The following PELI2 variants were observed in gnomAD, a reference collection of about 807,000 sequenced individuals.
PELI2 encodes the protein pellino E3 ubiquitin protein ligase family member 2.
In PELI2, 23 loss-of-function variants were observed where a neutral mutation model predicts 42.3. The ratio of observed to expected loss-of-function variants is 0.54; its 90% CI spans 0.39 to 0.77. PELI2 has a LOEUF of 0.77. Among genes scored for constraint, PELI2 ranks in the 30% least tolerant of loss-of-function variants. PELI2 has a pLI of 0.00. For synonymous variants in PELI2, 245 were observed against 212.2 expected (o/e 1.15, Z -1.34); for missense variants, 463 against 553.2 (o/e 0.84, Z 1.64).
chr14:56,190,873 A>G (rs1391883214), intron 2 of PELI2, among the ~76,000 whole-genome samples: 1 of 152,242 alleles, frequency 6.6e-6, no homozygotes, highest in Non-Finnish European at 1.5e-5. Flanking sequence ...CAGTGGTCAC[A>G]TTTATAACTT....
chr14:56,158,415 C>A (rs1177061812), intron 1 of PELI2, among the ~76,000 whole-genome samples: 1 of 152,116 alleles, frequency 6.6e-6, no homozygotes. Context: ...GATCTCGGCT[C>A]CCTGCAACCT....
intron 2 of PELI2, among the ~76,000 whole-genome samples, chr14:56,234,364 A>T (rs568598580): frequency 6.6e-6 from 1 of 152,226 alleles, no homozygotes; most frequent in African/African-American, 2.4e-5. Flanking sequence ...ATGTCCATCA[A>T]TGATAGACTG....
chr14:56,147,072 G>T (rs1884151521), intron 1 of PELI2, among the ~76,000 whole-genome samples: 1 of 152,022 alleles, frequency 6.6e-6, no homozygotes, highest in Non-Finnish European at 1.5e-5. Flanking sequence ...TTTGAGTCTG[G>T]TTTCTTCCAC....
At chr14:56,277,759 A>G (rs1454920311) in intron 2 of PELI2, among the ~76,000 whole-genome samples, 1 of 152,172 alleles carries the variant, frequency 6.6e-6, no homozygotes, top group Non-Finnish European at 1.5e-5. Context: ...CTTAAATGTT[A>G]AAATAGCAAA....
At chr14:56,243,022 C>T (rs2127439) in intron 2 of PELI2, among the ~76,000 whole-genome samples, 61,381 of 152,070 alleles carry the variant, frequency 0.4, 13,099 homozygotes, top group South Asian at 0.53. Context: ...GTATTTCTAA[C>T]TTCCTTTTTA....
chr14:56,196,625 A>G (rs181613579), intron 2 of PELI2, among the ~76,000 whole-genome samples: 21 of 152,364 alleles, frequency 1.4e-4, no homozygotes, highest in African/African-American at 5.0e-4. Flanking sequence ...AATGGCCGAT[A>G]GGATCATTTT....
In PELI2 at chr14:56,219,272, C is replaced by G. The variant is rs752095959; in HGVS notation, c.207+40808C>G. Among the ~76,000 whole-genome samples the G allele has an allele frequency of 7.2e-5, 11 of 151,960 alleles. No individual in the cohort carries two copies. The highest frequency in any genetic ancestry group is 1.2e-4 in the Non-Finnish European group (8 of 67,986). Reference sequence around the variant, plus strand: ...GAAGAAGACAGAAGGAAGAAGCTCCCCCGTACAGAGACAGATGGGGGCTCC... The same window carrying G: ...GAAGAAGACAGAAGGAAGAAGCTCCGCCGTACAGAGACAGATGGGGGCTCC... On this transcript the variant is annotated intron_variant, in intron 2 of 5. Transcript: ENST00000267460. The surrounding 1 kb of genome is among the most constrained non-coding windows in gnomAD (Gnocchi z 4.1).
At chr14:56,263,818 A>G (rs1888807095) in intron 2 of PELI2, among the ~76,000 whole-genome samples, 1 of 152,258 alleles carries the variant, frequency 6.6e-6, no homozygotes, top group African/African-American at 2.4e-5. Context: ...CTGTAAGAAT[A>G]GAAATATGCC....
intron 2 of PELI2, among the ~76,000 whole-genome samples, chr14:56,214,804 G>A (rs535086811): frequency 6.6e-6 from 1 of 152,310 alleles, no homozygotes; most frequent in South Asian, 2.1e-4. Flanking sequence ...CTGATTGGAA[G>A]GGTAGATAGA....
At chr14:56,252,816 C>T (rs971693172) in intron 2 of PELI2, among the ~76,000 whole-genome samples, 4 of 152,112 alleles carry the variant, frequency 2.6e-5, no homozygotes, top group Admixed American at 2.0e-4. Flanking sequence ...GAAAGTATTC[C>T]GAACAATAGA....
chr14:56,149,559 A>G (rs1884260341), intron 1 of PELI2, among the ~76,000 whole-genome samples: 1 of 152,046 alleles, frequency 6.6e-6, no homozygotes. Flanking sequence ...CATTTGGCTC[A>G]TGGTTCAGTT....
chr14:56,162,951 ATT>A (rs35985019), intron 1 of PELI2, among the ~76,000 whole-genome samples: 35 of 150,948 alleles, frequency 2.3e-4, no homozygotes, highest in Non-Finnish European at 3.1e-4. Context: ...GGATTGTTAG[ATT>A]TTTTTTTTGT....
At chr14:56,173,801 T>C (rs1885266648) in intron 1 of PELI2, among the ~76,000 whole-genome samples, 1 of 152,244 alleles carries the variant, frequency 6.6e-6, no homozygotes. Flanking sequence ...TTAGGACCTA[T>C]CGACCTAACA....
intron 2 of PELI2, among the ~76,000 whole-genome samples, chr14:56,243,958 T>C (rs1888065781): frequency 2.0e-5 from 3 of 152,222 alleles, no homozygotes. Context: ...GTCCGTGGTC[T>C]CCAGTGCTTT....
chr14:56,198,933 G>T (rs1886235703), intron 2 of PELI2, among the ~76,000 whole-genome samples: 2 of 152,058 alleles, frequency 1.3e-5, no homozygotes, highest in African/African-American at 4.8e-5. Context: ...TTAATCATTA[G>T]TGTCTGTAAT....
intron 1 of PELI2, among the ~76,000 whole-genome samples, chr14:56,175,106 C>G (rs1212996106): frequency 1.3e-5 from 2 of 152,122 alleles, no homozygotes; most frequent in African/African-American, 4.8e-5. Flanking sequence ...AGTGATCTTC[C>G]CACCTCAGCC....
At chr14:56,270,510 C>A (rs1889065291) in intron 2 of PELI2, among the ~76,000 whole-genome samples, 1 of 152,196 alleles carries the variant, frequency 6.6e-6, no homozygotes, top group African/African-American at 2.4e-5. Flanking sequence ...ACTTGTCAGC[C>A]TGACATAATA....
Position 56,118,657 on chromosome 14 carries a change from C to T in PELI2, c.-4C>T. On this transcript the variant is annotated 5_prime_UTR_variant, in exon 1 of 6. Coordinates refer to ENST00000267460, the MANE Select transcript of PELI2 (RefSeq NM_021255.3). The stretch of plus-strand genomic sequence containing the variant: ...CGGCGGCGTCGGCGGCCGAGCGGGG[C>T]TCCATGTTTTCCCCTGGCCAGGAGG... 2 of 1,437,466 alleles carry T rather than the reference C, an allele frequency of 1.4e-6. No individual in the cohort carries two copies. The highest frequency in any genetic ancestry group is 1.8e-6 in the Non-Finnish European group (2 of 1,088,384). The allele number at this position is 1,437,466 out of a possible 1,614,324, so 89.0% of individuals were successfully genotyped here.
At chr14:56,296,217 C>T (rs564422754) in intron 5 of PELI2, among the ~76,000 whole-genome samples, 5 of 152,308 alleles carry the variant, frequency 3.3e-5, no homozygotes, top group South Asian at 2.1e-4. Context: ...GGATGAGTCT[C>T]CACTGGATGG....
Sources: allele counts gnomAD v4.1 joint callset (sites outside exome capture counted in the v4.1 genomes callset), GRCh38; gene constraint gnomAD v4.1.1; non-coding constraint Gnocchi (gnomAD v3.1); transcripts MANE v1.5; gene names NCBI Gene and HGNC (gene_info 2026-07-23, HGNC 2026-07-21).